The following MMRN1 variants were observed in gnomAD, a reference collection of about 807,000 sequenced individuals.
The protein encoded by MMRN1 is multimerin-1.
Under a neutral mutation model 100.7 loss-of-function variants are expected in MMRN1, and 94 were observed. The observed-to-expected ratio is 0.93, with a 90% CI of 0.79 to 1.11. The LOEUF is 1.11. Among genes scored for constraint, MMRN1 ranks in the 50% least tolerant of loss-of-function variants. The pLI is 0.00. For missense variants in MMRN1, 1,606 were observed against 1,439.1 expected (o/e 1.12, Z -1.88); for synonymous variants, 575 against 505.0 (o/e 1.14, Z -1.86).
chr4:89,907,538 T>A (rs1011287385), intron 1 of MMRN1, among the ~76,000 whole-genome samples: 4 of 151,428 alleles, frequency 2.6e-5, no homozygotes, highest in African/African-American at 9.7e-5. Context: ...AAAAACAATT[T>A]TAGGAAATTT....
At chr4:89,897,302 A>C (rs968675138) in intron 1 of MMRN1, among the ~76,000 whole-genome samples, 1 of 151,594 alleles carries the variant, frequency 6.6e-6, no homozygotes, top group Non-Finnish European at 1.5e-5. Flanking sequence ...TTCGACTCCC[A>C]GGTTCAAGCG....
At chr4:89,931,673 A>G (rs1243387472) in intron 5 of MMRN1, among the ~76,000 whole-genome samples, 1 of 152,184 alleles carries the variant, frequency 6.6e-6, no homozygotes, top group Non-Finnish European at 1.5e-5. Context: ...CACGTCTTAC[A>G]TGGTGGCAGG....
rs770136397 is a variant in MMRN1, at chr4:89,935,871, A to G, written c.2191A>G (p.Thr731Ala). 1 of 1,611,360 alleles carries G rather than the reference A, an allele frequency of 6.2e-7. No homozygotes were observed. Among genetic ancestry groups the G allele is most frequent in the Non-Finnish European group, 8.5e-7 (1 of 1,178,760 alleles). ...ALEMEDGLNK[T>A]MTIINNAIDF... ...AGAAATGGAAGATGGCCTCAATAAG[A>G]CAATGACTATTATAAATAATGCTAT... is the stretch of plus-strand genomic sequence containing the variant. The change falls in exon 6 of 8, where the codon ACA becomes GCA. Residue 731 changes from threonine to alanine, a missense_variant. Transcript: ENST00000264790.
At chr4:89,944,953 A>G (rs1032347468) in intron 6 of MMRN1, among the ~76,000 whole-genome samples, 5 of 152,172 alleles carry the variant, frequency 3.3e-5, no homozygotes, top group Admixed American at 2.6e-4. Context: ...CTTCACCATA[A>G]TCAAGATAGG....
chr4:89,896,198 G>A lies in MMRN1; in HGVS notation c.623+604G>A, dbSNP rs562345958. Among the ~76,000 whole-genome samples the A allele has an allele frequency of 4.6e-5, 7 of 152,192 alleles. No individual in the cohort carries two copies. The East Asian group carries it at 9.7e-4, about 21-fold the overall frequency. ...AAAAATAAAACTTTGCAGGGTTCTC[G>A]TTCAGATAAAAATGAATGAAAAGTG... On this transcript the variant is annotated intron_variant, in intron 1 of 7. Transcript: ENST00000264790.
intron 3 of MMRN1, among the ~76,000 whole-genome samples, chr4:89,916,964 T>A (rs1285837034): frequency 6.6e-6 from 1 of 151,784 alleles, no homozygotes; most frequent in African/African-American, 2.4e-5. Flanking sequence ...AGGTAAATTT[T>A]TACTTCTTGA....
intron 6 of MMRN1, among the ~76,000 whole-genome samples, chr4:89,943,777 G>A (rs1021710595): frequency 6.6e-6 from 1 of 152,184 alleles, no homozygotes; most frequent in African/African-American, 2.4e-5. Context: ...ATCACTTAAG[G>A]CCAAGAGTTC....
intron 4 of MMRN1, among the ~76,000 whole-genome samples, chr4:89,924,580 T>C (rs12643823): frequency 0.14 from 21,990 of 151,692 alleles, 2,337 homozygotes; most frequent in East Asian, 0.3. Context: ...CACAGTGGCT[T>C]ATGCCTATAA....
chr4:89,953,303 C>A lies in MMRN1; in HGVS notation c.3572C>A (p.Ala1191Asp). ...IHCDRVLTGD[A>D]LLELNYGQEV... is the part of the protein sequence containing the mutation. ...TGTGATAGGGTTTTAACTGGGGATG[C>A]CTTATTAGAATTAAATTATGGGCAG... The change falls in exon 8 of 8, where the codon GCC becomes GAC. Residue 1191 changes from alanine (A) to aspartate (D), a missense_variant. By Grantham distance (126) the Ala-to-Asp change is moderately radical. Transcript: ENST00000264790. The A allele has an allele frequency of 2.5e-6, 4 of 1,613,698 alleles. No individual in the cohort carries two copies. The East Asian group carries it at 6.7e-5, about 27-fold the overall frequency.
intron 4 of MMRN1, among the ~76,000 whole-genome samples, chr4:89,925,305 T>C (rs13143770): frequency 9.0e-6 from 1 of 111,624 alleles, no homozygotes; most frequent in African/African-American, 4.3e-5. Flanking sequence ...CTGGTTAATT[T>C]TTTTTTTTTT....
Position 89,935,950 on chromosome 4 carries a change from A to G in MMRN1, c.2270A>G (p.Asp757Gly). Residue 757 changes from aspartate (D) to glycine (G), a missense_variant, in exon 6 of 8, where the codon GAT (aspartate) becomes GGT (glycine). Asp to Gly is a moderately conservative substitution (Grantham distance 94). Coordinates refer to ENST00000264790, the MANE Select transcript of MMRN1 (RefSeq NM_007351.3). Reference protein sequence around the residue: ...ALKETLSTIKDNSEIHHKCTS... With the variant: ...ALKETLSTIKGNSEIHHKCTS... ...AAAGAGACTTTAAGTACTATTAAGG[A>G]TAATAGTGAGATCCATCATAAATGT... 1 of 1,609,198 alleles carries G rather than the reference A, an allele frequency of 6.2e-7. No individual in the cohort carries two copies. Among genetic ancestry groups the G allele is most frequent in the Admixed American group, 1.7e-5 (1 of 59,876 alleles).
chr4:89,899,692 A>C (rs1190297072), intron 1 of MMRN1, among the ~76,000 whole-genome samples: 1 of 152,064 alleles, frequency 6.6e-6, no homozygotes, highest in Non-Finnish European at 1.5e-5. Context: ...AATTTTTACC[A>C]AATCAGTGAA....
In MMRN1 at chr4:89,927,950, T is replaced by A. The variant is rs1406660873; in HGVS notation, c.1111T>A (p.Phe371Ile). 5 of 1,594,892 alleles carry A rather than the reference T, an allele frequency of 3.1e-6. No individual in the cohort carries two copies. In the African/African-American group the frequency reaches 6.8e-5, roughly 22 times the overall value. The change falls in exon 5 of 8, where the codon TTT becomes ATT. Residue 371 changes from phenylalanine (F) to isoleucine (I), a missense_variant. Coordinates refer to ENST00000264790, the MANE Select transcript of MMRN1 (RefSeq NM_007351.3). ...AGTCAGCGAAGATAAAAGCAGAGAA[T>A]TTCAATCTCTTCTAAAAGGTAAAAA... ...GKVSEDKSRE[F>I]QSLLKGLKSK...
chr4:89,895,656 G>C (rs1578464006), intron 1 of MMRN1, 62 bp downstream of exon 1: 2 of 1,482,350 alleles, frequency 1.3e-6, no homozygotes, highest in East Asian at 2.5e-5. Flanking sequence ...GATTGCAAGT[G>C]AAATTTACCT....
chr4:89,909,503 G>T, intron 2 of MMRN1, 108 bp downstream of exon 2: 1 of 1,359,148 alleles, frequency 7.4e-7, no homozygotes, highest in Non-Finnish European at 1.0e-6. Context: ...GTAGGGTCAG[G>T]GGATGGTAGT....
rs762908213 is a variant in MMRN1 at position 89,895,070 on chromosome 4, G to T, written c.99G>T (p.Gly33=). The change falls in exon 1 of 8, where the codon GGG becomes GGT. Residue 33 remains glycine (G), a synonymous_variant. Transcript: ENST00000264790. ...ATTCTTGGACTATACCTGAGGATGG[G>T]AACTCTCAGAAGACTATGCCTTCTG... is the stretch of plus-strand genomic sequence containing the variant. The part of the protein sequence containing the change: ...SKHSWTIPED[G]NSQKTMPSAS... The T allele has an allele frequency of 1.2e-6, 2 of 1,613,836 alleles. No homozygotes were observed. Among genetic ancestry groups the T allele is most frequent in the Middle Eastern group, 1.7e-4 (1 of 6,058 alleles).
intron 4 of MMRN1, among the ~76,000 whole-genome samples, chr4:89,924,527 T>C (rs1722184158): frequency 6.6e-6 from 1 of 151,320 alleles, no homozygotes; most frequent in Non-Finnish European, 1.5e-5. Flanking sequence ...TAAATATATA[T>C]ATATTAATTT....
At chr4:89,925,712 C>T (rs999145663) in intron 4 of MMRN1, among the ~76,000 whole-genome samples, 6 of 151,922 alleles carry the variant, frequency 3.9e-5, no homozygotes, top group Admixed American at 1.3e-4. Flanking sequence ...CACCTGTAGT[C>T]CCAGCTACTG....
At position 89,895,039 on chromosome 4, in the gene MMRN1, G is replaced by A. The variant is rs747379966; in HGVS notation, c.68G>A (p.Ser23Asn). The change falls in exon 1 of 8, where the codon AGT becomes AAT. Residue 23 changes from serine (S) to asparagine (N), a missense_variant. By Grantham distance (46) the Ser-to-Asn change is conservative (BLOSUM62 1). Coordinates refer to ENST00000264790, the MANE Select transcript of MMRN1 (RefSeq NM_007351.3). ...AGTGGGGGCATTGGGCTTAACAACA[G>A]TAAGCATTCTTGGACTATACCTGAG... ...LWSGGIGLNN[S>N]KHSWTIPEDG... 1.2e-6 allele frequency: 2 copies of A among 1,613,734 alleles called. No individual in the cohort carries two copies. Among genetic ancestry groups the A allele is most frequent in the Non-Finnish European group, 1.7e-6 (2 of 1,179,850 alleles).
Sources: gnomAD v4.1 joint callset for allele counts (sites outside exome capture counted in the v4.1 genomes callset) on GRCh38, gnomAD v4.1.1 for gene constraint, MANE v1.5 for transcripts, NCBI Gene and HGNC (gene_info 2026-07-23, HGNC 2026-07-21) for gene names.